NHS: variants seen among roughly 807,000 people sequenced by gnomAD.
The protein encoded by NHS is NHS actin remodeling regulator, also known as actin remodeling regulator NHS.
A neutral mutation model predicts 72.5 loss-of-function variants in NHS; 5 were observed. The observed-to-expected ratio is 0.07, with a 90% CI of 0.04 to 0.14. The LOEUF (loss-of-function observed/expected upper bound fraction) is 0.14, where lower values mean the gene tolerates loss of function less well. NHS is among the 10% of genes least tolerant of loss of function. The pLI is 1.00. For synonymous variants in NHS, 464 were observed against 547.7 expected, an observed-to-expected ratio of 0.85 and a Z score of 2.13; for missense variants, 1,072 against 1,355.7, an observed-to-expected ratio of 0.79 and a Z score of 3.29.
At position 17,635,551 on chromosome X, in the gene NHS, G is replaced by A. The variant is rs923992369; in HGVS notation, c.566-52191G>A. ...AGAAAAGGCCCTTCCTTAAGGAGCA[G>A]AGCGGGAATCCAAGCATGGCTCTGG... On this transcript the variant is annotated intron_variant, in intron 1 of 8. Transcript: ENST00000676302. 9.4e-6 allele frequency: 11 copies of A among 1,166,316 alleles called. No individual in the cohort carries two copies. In the African/African-American group the frequency reaches 1.8e-4, roughly 19 times the overall value.
At chrX:17,560,705 A>G in intron 1 of NHS, among the ~76,000 whole-genome samples, 1 of 112,726 alleles carries the variant, frequency 8.9e-6, no homozygotes, top group Admixed American at 9.4e-5. Context: ...TACTGGCCCC[A>G]GCATAAAGAT....
At chrX:17,723,770 T>TGTGCGTGTGCGC (rs541219770) in intron 5 of NHS, among the ~76,000 whole-genome samples, 19 of 91,319 alleles carry the variant, frequency 2.1e-4, no homozygotes, top group African/African-American at 8.6e-4. Flanking sequence ...TGTGTGTGTG[T>TGTGCGTGTGCGC]GCGCGCGCGT....
At chrX:17,698,584 T>C (rs115326836) in intron 3 of NHS, among the ~76,000 whole-genome samples, 12,755 of 111,660 alleles carry the variant, frequency 0.11, 1,562 homozygotes, top group African/African-American at 0.36. Flanking sequence ...AAGCAAAACT[T>C]CCCTATTATT....
intron 1 of NHS, among the ~76,000 whole-genome samples, chrX:17,659,987 C>A (rs1334915976): frequency 8.9e-6 from 1 of 112,219 alleles, no homozygotes; most frequent in East Asian, 2.8e-4. Flanking sequence ...TAGACTCCTT[C>A]TCCAGCCCTT....
At chrX:17,439,445 C>T (rs1279422881) in intron 1 of NHS, among the ~76,000 whole-genome samples, 1 of 111,170 alleles carries the variant, frequency 9.0e-6, no homozygotes, top group East Asian at 2.8e-4. Flanking sequence ...CCAGCCATGT[C>T]CTCATATTTT....
chrX:17,454,411 T>C (rs1250383176), intron 1 of NHS, among the ~76,000 whole-genome samples: 9 of 111,913 alleles, frequency 8.0e-5, no homozygotes, highest in African/African-American at 9.8e-5. Flanking sequence ...CATAGGCTAC[T>C]TCTGAGGTTC....
chrX:17,644,920 C>A (rs1300326587), intron 1 of NHS, among the ~76,000 whole-genome samples: 1 of 110,932 alleles, frequency 9.0e-6, no homozygotes, highest in African/African-American at 3.3e-5. Context: ...TATAAAATAG[C>A]GTCTCTCAAG....
intron 1 of NHS, among the ~76,000 whole-genome samples, chrX:17,461,002 G>T (rs1437869651): frequency 9.0e-6 from 1 of 111,332 alleles, no homozygotes; most frequent in East Asian, 2.8e-4. Context: ...TTCTAACTTG[G>T]AGAGTTTCTT....
intron 1 of NHS, among the ~76,000 whole-genome samples, chrX:17,684,915 C>A (rs2066152928): frequency 8.9e-6 from 1 of 111,875 alleles, no homozygotes; most frequent in Non-Finnish European, 1.9e-5. Context: ...TTTATGAGAA[C>A]AAACATTCCT....
chrX:17,712,780 C>T (rs1472061362), intron 3 of NHS, among the ~76,000 whole-genome samples: 1 of 110,472 alleles, frequency 9.1e-6, no homozygotes, highest in Non-Finnish European at 1.9e-5. Flanking sequence ...AGGGTTTAGG[C>T]ACTTGGGGTT....
intron 1 of NHS, among the ~76,000 whole-genome samples, chrX:17,605,723 C>T (rs1273137484): frequency 9.0e-6 from 1 of 111,460 alleles, no homozygotes; most frequent in Non-Finnish European, 1.9e-5. Flanking sequence ...AACTTCCTTG[C>T]ATCTTCTCCT....
At chrX:17,715,797 G>A (rs1297980288) in intron 3 of NHS, among the ~76,000 whole-genome samples, 3 of 110,777 alleles carry the variant, frequency 2.7e-5, no homozygotes, top group African/African-American at 9.9e-5. Context: ...CCCTCTATGC[G>A]GAGGGCCCTC....
rs2064570386 is a variant in NHS, at chrX:17,413,117, G to A, written c.565+36795G>A. ...CTACCTGTGTATTTAGCGCTTGTGT[G>A]TGTGTGCGTGCACACACGCACACAC... On this transcript the variant is annotated intron_variant, in intron 1 of 8. Transcript: ENST00000676302. Among the ~76,000 whole-genome samples, 3 of 112,244 alleles carry A rather than the reference G, an allele frequency of 2.7e-5. No individual in the cohort carries two copies. In the South Asian group the frequency reaches 1.1e-3, roughly 42 times the overall value.
At chrX:17,507,197 GT>G (rs1398826917) in intron 1 of NHS, among the ~76,000 whole-genome samples, 1 of 112,387 alleles carries the variant, frequency 8.9e-6, no homozygotes, top group Non-Finnish European at 1.9e-5. Context: ...TTTGTAAAAG[GT>G]GACATCTTCA....
chrX:17,544,862 TC>T (rs779435501), intron 1 of NHS, among the ~76,000 whole-genome samples: 90 of 112,866 alleles, frequency 8.0e-4, no homozygotes, highest in Non-Finnish European at 1.5e-3. Flanking sequence ...GTCTCTTTCC[TC>T]CAAGTTCAAT....
chrX:17,578,934 CTG>C (rs1364367960), intron 1 of NHS, among the ~76,000 whole-genome samples: 1 of 111,501 alleles, frequency 9.0e-6, no homozygotes, highest in African/African-American at 3.3e-5. Flanking sequence ...CCCCCTGACT[CTG>C]TGCGCATGTG....
At chrX:17,445,224 A>T (rs2064773157) in intron 1 of NHS, among the ~76,000 whole-genome samples, 1 of 111,603 alleles carries the variant, frequency 9.0e-6, no homozygotes, top group Non-Finnish European at 1.9e-5. Flanking sequence ...TTAGGCTGGG[A>T]AGCCCACACA....
At chrX:17,377,670 G>GA (rs1315526542) in intron 1 of NHS, among the ~76,000 whole-genome samples, 2 of 113,270 alleles carry the variant, frequency 1.8e-5, no homozygotes, top group African/African-American at 6.4e-5. Flanking sequence ...CTCCTCCTCC[G>GA]AAAAACCCTT....
At position 17,733,944 on chromosome X, in the gene NHS, A is replaced by C. The variant is rs1278871565; in HGVS notation, c.*1480A>C. On this transcript the variant is annotated 3_prime_UTR_variant, in exon 9 of 9. Coordinates refer to ENST00000676302, the MANE Select transcript of NHS (RefSeq NM_001291867.2). The stretch of plus-strand genomic sequence containing the variant: ...AATTTTCTTGTCTTAAAACTGAAAA[A>C]AAAATGTAGTTACACGTTAAAATCT... 1 of 112,401 alleles carries C rather than the reference A, an allele frequency of 8.9e-6. No individual in the cohort carries two copies. Among genetic ancestry groups the C allele is most frequent in the Non-Finnish European group, 1.9e-5 (1 of 53,283 alleles). The allele number at this position is 112,401 out of a possible 1,213,427, so 9.3% of individuals were successfully genotyped here.
Sources: gnomAD v4.1 joint callset for allele counts (sites outside exome capture counted in the v4.1 genomes callset) on GRCh38, gnomAD v4.1.1 for gene constraint, MANE v1.5 for transcripts, NCBI Gene and HGNC (gene_info 2026-07-23, HGNC 2026-07-21) for gene names.